The following FGFR1 variants were observed in gnomAD, a reference collection of about 807,000 sequenced individuals.
FGFR1 encodes the protein FGFR1/PLAG1 fusion.
A neutral mutation model predicts 93.7 loss-of-function variants in FGFR1; 18 were observed. The ratio of observed to expected loss-of-function variants is 0.19; its 90% confidence interval spans 0.13 to 0.28. FGFR1 has a LOEUF of 0.28. Ranked by LOEUF, FGFR1 falls within the 10% of genes least tolerant of loss-of-function variation. FGFR1 has a pLI of 1.00. For missense variants in FGFR1, 731 were observed against 1,080.4 expected, an observed-to-expected ratio of 0.68 and a Z score of 4.53; for synonymous variants, 448 against 429.3, an observed-to-expected ratio of 1.04 and a Z score of -0.54.
intron 2 of FGFR1, among the ~76,000 whole-genome samples, chr8:38,432,959 G>C (rs937109210): frequency 8.4e-6 from 1 of 119,574 alleles, no homozygotes; most frequent in African/African-American, 3.2e-5. Context: ...CATCCTCCCT[G>C]GCATGGCAAA....
At chr8:38,423,642 A>G (rs1819633681) in intron 7 of FGFR1, 1 of 153,558 alleles carries the variant, frequency 6.5e-6, no homozygotes, top group Non-Finnish European at 1.4e-5. Context: ...AGTGGACTTC[A>G]AAAGTCCAAA....
Position 38,429,193 on chromosome 8 carries a change from TCA to T in FGFR1, c.358+487_358+488del, listed in dbSNP as rs1821892767. The T allele has an allele frequency of 4.9e-6, 2 of 410,214 alleles. No individual in the cohort carries two copies. Among genetic ancestry groups the T allele is most frequent in the Non-Finnish European group, 9.7e-6 (2 of 205,276 alleles). The allele number at this position is 410,214 out of a possible 1,614,324, so 25.4% of individuals were successfully genotyped here. A position where few individuals can be genotyped will look rare whatever the true frequency, so the allele number is the denominator to read the frequency against. ...TTCTAAGAGTGGCAAGTTCCCAAGT[TCA>T]CAGAGCTCCAGGGCTCCCTGGCTGC... On this transcript the variant is annotated intron_variant, in intron 3 of 17. Transcript: ENST00000447712. This position sits in a 1 kb window ranked among gnomAD's most constrained non-coding sequence, Gnocchi z 4.4.
At chr8:38,438,824 C>T (rs186373869) in intron 2 of FGFR1, among the ~76,000 whole-genome samples, 2 of 152,322 alleles carry the variant, frequency 1.3e-5, no homozygotes, top group East Asian at 1.9e-4. Flanking sequence ...CCCCTGCATC[C>T]TACCTCCTCC....
chr8:38,468,536 C>G lies in FGFR1; in HGVS notation c.-644G>C, dbSNP rs1239791872. On this transcript the variant is annotated 5_prime_UTR_variant, in exon 1 of 18. Transcript: ENST00000447712. ...CAGCTCCCGGCACACCCGGGTTCCT[C>G]CGCGCGCTGCGGCTGCACCGGCGTC... 1 of 228,548 alleles carries G rather than the reference C, an allele frequency of 4.4e-6. No individual in the cohort carries two copies. The highest frequency in any genetic ancestry group is 8.7e-6 in the Non-Finnish European group (1 of 114,932). 14.2% of individuals were successfully genotyped at this position (228,548 alleles called of 1,614,324 possible). A position where few individuals can be genotyped will look rare whatever the true frequency, so the allele number is the denominator to read the frequency against.
intron 2 of FGFR1, chr8:38,440,374 C>A: frequency 6.3e-7 from 1 of 1,595,504 alleles, no homozygotes; most frequent in Non-Finnish European, 8.5e-7. Context: ...AGCTGCCATC[C>A]TACAAGGGTT....
Position 38,424,876 on chromosome 8 carries a change from C to G in FGFR1, c.746-177G>C, listed in dbSNP as rs1427662405. On this transcript the variant is annotated intron_variant, in intron 6 of 17. Coordinates refer to ENST00000447712, the MANE Select transcript of FGFR1 (RefSeq NM_023110.3). The surrounding 1 kb of genome is among the most constrained non-coding windows in gnomAD (Gnocchi z 4.3). ...GGGAAAGGGACACCCTCTCTTCAGG[C>G]CCTAAGCCATCAGGATCCTCCTCCC... Among the ~76,000 whole-genome samples the G allele has an allele frequency of 6.6e-6, 1 of 152,204 alleles. No homozygotes were observed. Among genetic ancestry groups the G allele is most frequent in the Non-Finnish European group, 1.5e-5 (1 of 68,032 alleles).
Position 38,429,028 on chromosome 8 carries a change from C to A in FGFR1, c.359-593G>T. The A allele has an allele frequency of 2.9e-6, 1 of 341,670 alleles. No individual in the cohort carries two copies. The highest frequency in any genetic ancestry group is 2.3e-5 in the South Asian group (1 of 43,994). The allele number at this position is 341,670 out of a possible 1,614,324, so 21.2% of individuals were successfully genotyped here. On this transcript the variant is annotated intron_variant, in intron 3 of 17. Transcript: ENST00000447712. The surrounding 1 kb of genome is among the most constrained non-coding windows in gnomAD (Gnocchi z 4.4). ...GCTTGATACACATGTGGTCACCCAT[C>A]AGGGTTCATGCCAGATCTTTCTCCA... is the stretch of plus-strand genomic sequence containing the variant.
chr8:38,437,561 A>G (rs1414363151), intron 2 of FGFR1, among the ~76,000 whole-genome samples: 2 of 152,182 alleles, frequency 1.3e-5, no homozygotes, highest in Non-Finnish European at 2.9e-5. Flanking sequence ...GGGAAAAGAG[A>G]GGATTTAGAT....
chr8:38,448,508 T>C (rs1586653224), intron 2 of FGFR1, among the ~76,000 whole-genome samples: 1 of 151,906 alleles, frequency 6.6e-6, no homozygotes, highest in Admixed American at 6.6e-5. Context: ...ATTACAGGAG[T>C]GAGCCACCGC....
intron 2 of FGFR1, among the ~76,000 whole-genome samples, chr8:38,437,895 G>A (rs192670357): frequency 6.6e-6 from 1 of 152,272 alleles, no homozygotes; most frequent in African/African-American, 2.4e-5. Flanking sequence ...ACTCTGGTCT[G>A]GAAGTTATCC....
At chr8:38,416,810 T>C (rs376513917) in intron 12 of FGFR1, among the ~76,000 whole-genome samples, 1 of 152,110 alleles carries the variant, frequency 6.6e-6, no homozygotes, top group East Asian at 1.9e-4. Flanking sequence ...TGGAGTACAA[T>C]GGCGTGATCT....
At position 38,412,505 on chromosome 8, in the gene FGFR1, G is replaced by A. The variant is rs977123483; in HGVS notation, c.*1123C>T. 2.1e-5 allele frequency: 5 copies of A among 232,928 alleles called. No homozygotes were observed. Among genetic ancestry groups the A allele is most frequent in the Admixed American group, 5.6e-5 (1 of 17,774 alleles). The allele number at this position is 232,928 out of a possible 1,614,324, so 14.4% of individuals were successfully genotyped here. A position where few individuals can be genotyped will look rare whatever the true frequency, so the allele number is the denominator to read the frequency against. On this transcript the variant is annotated 3_prime_UTR_variant, in exon 18 of 18. Coordinates refer to ENST00000447712, the MANE Select transcript of FGFR1 (RefSeq NM_023110.3). ...CCAGCGCCTCTACTGCATGGATGGGGTTCCTGCCCTCGAAGCAGACATCTT... is the reference window on the plus strand; with the variant it reads ...CCAGCGCCTCTACTGCATGGATGGGATTCCTGCCCTCGAAGCAGACATCTT...
intron 10 of FGFR1, 76 bp downstream of exon 10, chr8:38,418,152 T>G: frequency 6.3e-7 from 1 of 1,597,722 alleles, no homozygotes. Context: ...CAGAAGGTGT[T>G]AGTATACACA....
At chr8:38,428,588 G>A in intron 3 of FGFR1, 153 bp from the exon 4 acceptor site, 1 of 680,534 alleles carries the variant, frequency 1.5e-6, no homozygotes, top group East Asian at 2.7e-5. Flanking sequence ...GATGGAAACT[G>A]TTTAAGAACA....
chr8:38,417,251 C>G (rs1208095366), intron 12 of FGFR1, 55 bp downstream of exon 12: 6 of 1,402,156 alleles, frequency 4.3e-6, no homozygotes, highest in Non-Finnish European at 1.0e-6. Flanking sequence ...GACTGATACC[C>G]CAGCTCAGAT....
chr8:38,460,969 C>T (rs1586784567), intron 1 of FGFR1: 10 of 1,242,318 alleles, frequency 8.0e-6, no homozygotes, highest in African/African-American at 4.5e-5. Context: ...GCTGGTTCCC[C>T]CCGCCCCGTC....
At chr8:38,432,481 C>T (rs866876886) in intron 2 of FGFR1, among the ~76,000 whole-genome samples, 11 of 149,072 alleles carry the variant, frequency 7.4e-5, no homozygotes, top group East Asian at 2.0e-4. Context: ...GCTGCGATCT[C>T]GGCTCACTGC....
At chr8:38,465,692 G>T (rs1835339253) in intron 1 of FGFR1, 1 of 223,434 alleles carries the variant, frequency 4.5e-6, no homozygotes, top group South Asian at 1.8e-4. Context: ...GGGCGTGGGG[G>T]TGATTACCCA....
chr8:38,427,194 G>A (rs368555751), intron 5 of FGFR1, among the ~76,000 whole-genome samples: 103 of 152,038 alleles, frequency 6.8e-4, no homozygotes, highest in African/African-American at 2.3e-3. Flanking sequence ...AAAAAATGCT[G>A]ACAGAGATTC....
Sources: gnomAD v4.1 joint callset for allele counts (sites outside exome capture counted in the v4.1 genomes callset) on GRCh38, gnomAD v4.1.1 for gene constraint, Gnocchi (gnomAD v3.1) non-coding constraint, MANE v1.5 for transcripts, NCBI Gene and HGNC (gene_info 2026-07-23, HGNC 2026-07-21) for gene names.